Variants in CFAP46 observed in about 807,000 individuals in gnomAD.
The protein encoded by CFAP46 is cilia and flagella associated protein 46.
Under a neutral mutation model 325.7 loss-of-function variants are expected in CFAP46, and 245 were observed. The ratio of observed to expected loss-of-function variants is 0.75; its 90% confidence interval spans 0.68 to 0.84. CFAP46 has a LOEUF of 0.84. CFAP46 is among the 40% of genes least tolerant of loss of function. The pLI is 0.00. For missense variants in CFAP46, 3,346 were observed against 3,543.0 expected (o/e 0.94, Z 1.41); for synonymous variants, 1,523 against 1,495.9 (o/e 1.02, Z -0.42).
At position 132,879,647 on chromosome 10, in the gene CFAP46, C is replaced by T; in HGVS notation, c.3800-16G>A. 6.7e-7 allele frequency: 1 copy of T among 1,492,750 alleles called. No homozygotes were observed. Among genetic ancestry groups the T allele is most frequent in the Non-Finnish European group, 8.9e-7 (1 of 1,119,674 alleles). 92.5% of individuals were successfully genotyped at this position (1,492,750 alleles called of 1,614,324 possible). A position where few individuals can be genotyped will look rare whatever the true frequency, so the allele number is the denominator to read the frequency against. ...ACGTACTCCCCTGAAACACGGGGTG[C>T]CCGAGGCTGAGAGCAGGCCCGGCTA... On this transcript the variant is annotated splice_polypyrimidine_tract_variant and intron_variant, in intron 28 of 57. Transcript: ENST00000368586.
In CFAP46 at chr10:132,859,152, A is replaced by C. The variant is rs905182056; in HGVS notation, c.5294T>G (p.Leu1765Trp). The change falls in exon 38 of 58, where the codon TTG (leucine) becomes TGG (tryptophan). Residue 1765 changes from leucine (L) to tryptophan (W), a missense_variant. Physicochemically the swap from Leu to Trp is moderately conservative, Grantham distance 61. Coordinates refer to ENST00000368586, the MANE Select transcript of CFAP46 (RefSeq NM_001200049.3). ...LLLKEMDDGL[L>W]EIERKFIDCG... ...GTCGATAAACTTTCTCTCAATTTCC[A>C]ACAGGCCATCATCCATCTCTTTCAG... is the stretch of plus-strand genomic sequence containing the variant. 2 of 1,550,754 alleles carry C rather than the reference A, an allele frequency of 1.3e-6. No individual in the cohort carries two copies. Among genetic ancestry groups the C allele is most frequent in the Non-Finnish European group, 1.7e-6 (2 of 1,147,054 alleles).
chr10:132,813,151 G>A lies in CFAP46; in HGVS notation c.7389-254C>T, dbSNP rs113150864. ...ACGCTGGAATGAACACCCCTACTCG[G>A]GCGGGGCTCGCTGCGGGAAACGCTA... is the stretch of plus-strand genomic sequence containing the variant. On this transcript the variant is annotated intron_variant, in intron 54 of 57. Transcript: ENST00000368586. Among the ~76,000 whole-genome samples, 909 of 152,242 alleles carry A rather than the reference G, an allele frequency of 6.0e-3. 7 individuals carry two copies. The highest frequency in any genetic ancestry group is 0.019 in the African/African-American group (791 of 41,518).
At position 132,828,376 on chromosome 10, in the gene CFAP46, TGA is replaced by T. The variant is rs1339359189; in HGVS notation, c.7117+4980_7117+4981del. The stretch of plus-strand genomic sequence containing the variant: ...CCAACACGCGCTCTGGTCGACTGTG[TGA>T]GTTTCACCCATTCTAACAGGTGTGC... On this transcript the variant is annotated intron_variant, in intron 50 of 57. Transcript: ENST00000368586. The surrounding 1 kb of genome is among the most constrained non-coding windows in gnomAD (Gnocchi z 4.9). Among the ~76,000 whole-genome samples the T allele has an allele frequency of 6.6e-6, 1 of 151,972 alleles. No homozygotes were observed. The highest frequency in any genetic ancestry group is 6.6e-5 in the Admixed American group (1 of 15,260).
Position 132,899,134 on chromosome 10 carries a change from A to C in CFAP46, c.3057-13T>G. On this transcript the variant is annotated splice_polypyrimidine_tract_variant and intron_variant, in intron 23 of 57. Coordinates refer to ENST00000368586, the MANE Select transcript of CFAP46 (RefSeq NM_001200049.3). ...GATGCCTCCGAACCTAAAAGAGGGC[A>C]GGTCATGACGCGGTGGCTCCACCTG... 6.5e-7 allele frequency: 1 copy of C among 1,527,638 alleles called. No individual in the cohort carries two copies. Among genetic ancestry groups the C allele is most frequent in the African/African-American group, 1.4e-5 (1 of 72,566 alleles). 94.6% of individuals were successfully genotyped at this position (1,527,638 alleles called of 1,614,324 possible). A position where few individuals can be genotyped will look rare whatever the true frequency, so the allele number is the denominator to read the frequency against.
chr10:132,810,276 C>G, intron 57 of CFAP46, 133 bp downstream of exon 57: 1 of 777,624 alleles, frequency 1.3e-6, no homozygotes, highest in Non-Finnish European at 2.2e-6. Flanking sequence ...TCCTAGTTAA[C>G]GTCTGGAGTC....
chr10:132,863,124 C>G (rs1050674597), intron 35 of CFAP46, among the ~76,000 whole-genome samples: 1 of 152,118 alleles, frequency 6.6e-6, no homozygotes, highest in Non-Finnish European at 1.5e-5. Context: ...CTCCAAGGTC[C>G]ACGGTGGCCC....
At chr10:132,873,870 G>A (rs1848928197) in intron 31 of CFAP46, among the ~76,000 whole-genome samples, 1 of 152,062 alleles carries the variant, frequency 6.6e-6, no homozygotes, top group African/African-American at 2.4e-5. Context: ...CAACTTCATG[G>A]CAATACATCC....
rs1293735753 is a variant in CFAP46 at position 132,859,172 on chromosome 10, T to C, written c.5274A>G (p.Lys1758=). 2 of 1,550,620 alleles carry C rather than the reference T, an allele frequency of 1.3e-6. No individual in the cohort carries two copies. The highest frequency in any genetic ancestry group is 1.7e-6 in the Non-Finnish European group (2 of 1,147,024). Residue 1758 remains lysine, a synonymous_variant, in exon 38 of 58, where the codon AAA becomes AAG. Coordinates refer to ENST00000368586, the MANE Select transcript of CFAP46 (RefSeq NM_001200049.3). The part of the protein sequence containing the change: ...TEPTECSLLL[K]EMDDGLLEIE... ...TTTCCAACAGGCCATCATCCATCTC[T>C]TTCAGTAGCAACGAGCACTCTGTGG...
At chr10:132,850,223 G>A (rs1249030194) in intron 41 of CFAP46, 21 bp downstream of exon 41, 10 of 1,549,848 alleles carry the variant, frequency 6.5e-6, no homozygotes, top group Non-Finnish European at 8.7e-6. Context: ...CCAGACTTGG[G>A]ATAGAAGCAG....
At chr10:132,840,310 T>G (rs990482220) in intron 44 of CFAP46, among the ~76,000 whole-genome samples, 1 of 152,230 alleles carries the variant, frequency 6.6e-6, no homozygotes, top group African/African-American at 2.4e-5. Context: ...GGATGGGTCT[T>G]TTTCTTACTG....
chr10:132,874,225 A>G (rs1848932712), intron 31 of CFAP46, among the ~76,000 whole-genome samples: 1 of 152,200 alleles, frequency 6.6e-6, no homozygotes, highest in Non-Finnish European at 1.5e-5. Flanking sequence ...AGATGCACAC[A>G]CCCCGGAAAC....
intron 50 of CFAP46, among the ~76,000 whole-genome samples, chr10:132,822,360 G>T (rs1847876637): frequency 7.0e-6 from 1 of 143,766 alleles, no homozygotes; most frequent in Non-Finnish European, 1.5e-5. Flanking sequence ...TGCTGTGTGT[G>T]CAGTGATGTG....
Position 132,833,503 on chromosome 10 carries a change from G to A in CFAP46, c.6972C>T (p.Ala2324=), listed in dbSNP as rs746429808. 1.1e-4 allele frequency: 175 copies of A among 1,613,810 alleles called. No homozygotes were observed. The highest frequency in any genetic ancestry group is 4.9e-4 in the Middle Eastern group (3 of 6,080). Residue 2324 remains alanine (A), a synonymous_variant, in exon 50 of 58, where the codon GCC becomes GCT. Coordinates refer to ENST00000368586, the MANE Select transcript of CFAP46 (RefSeq NM_001200049.3). ...TGTCTGCGACCAGGACTATCTTATC[G>A]GCAACCTCAGGCTGGACTGTGCCTG... ...GQHSTVQPEV[A]DKIVLVADRH...
intron 44 of CFAP46, among the ~76,000 whole-genome samples, chr10:132,840,100 T>A (rs1848325348): frequency 6.6e-6 from 1 of 152,194 alleles, no homozygotes; most frequent in Non-Finnish European, 1.5e-5. Context: ...GGGGTCTGGG[T>A]TTTCTTTGTA....
At chr10:132,868,670 G>A (rs761037729) in intron 33 of CFAP46, among the ~76,000 whole-genome samples, 26 of 152,200 alleles carry the variant, frequency 1.7e-4, no homozygotes, top group African/African-American at 5.6e-4. Flanking sequence ...GGGGCCAATC[G>A]TGAGCTTTAT....
chr10:132,881,704 C>T (rs1226874094), intron 27 of CFAP46, among the ~76,000 whole-genome samples: 1 of 152,116 alleles, frequency 6.6e-6, no homozygotes, highest in Non-Finnish European at 1.5e-5. Context: ...CCACACCCTC[C>T]CCTCCACAGG....
intron 50 of CFAP46, among the ~76,000 whole-genome samples, chr10:132,821,920 G>GA (rs2134852635): frequency 6.9e-6 from 1 of 145,334 alleles, no homozygotes; most frequent in African/African-American, 2.6e-5. Flanking sequence ...GATGTGTGCT[G>GA]TGTGTGCGCT....
At chr10:132,845,630 G>A (rs1000809775) in intron 44 of CFAP46, among the ~76,000 whole-genome samples, 4 of 152,348 alleles carry the variant, frequency 2.6e-5, no homozygotes, top group East Asian at 1.9e-4. Flanking sequence ...AAAAAGCGCC[G>A]TTAGCTGTCC....
At chr10:132,903,428 C>T (rs1003117633) in intron 22 of CFAP46, among the ~76,000 whole-genome samples, 2 of 152,030 alleles carry the variant, frequency 1.3e-5, no homozygotes, top group African/African-American at 4.8e-5. Flanking sequence ...TGACCCATTT[C>T]TCCCCGCGAC....
Sources: gnomAD v4.1 joint callset for allele counts (sites outside exome capture counted in the v4.1 genomes callset) on GRCh38, gnomAD v4.1.1 for gene constraint, Gnocchi (gnomAD v3.1) non-coding constraint, MANE v1.5 for transcripts, NCBI Gene and HGNC (gene_info 2026-07-23, HGNC 2026-07-21) for gene names.